ZNF407: variants seen among roughly 807,000 people sequenced by gnomAD.
The protein encoded by ZNF407 is zinc finger protein 407.
In ZNF407, 17 loss-of-function variants were observed where a neutral mutation model predicts 131.2. The observed-to-expected ratio is 0.13, with a 90% CI of 0.09 to 0.19. The LOEUF (loss-of-function observed/expected upper bound fraction) is 0.19, where lower values mean the gene tolerates loss of function less well. Among genes scored for constraint, ZNF407 ranks in the 10% least tolerant of loss-of-function variants. The pLI, the probability that ZNF407 is intolerant of heterozygous loss-of-function variation, is 1.00. For synonymous variants in ZNF407, 1,156 were observed against 1,062.0 expected (o/e 1.09, Z -1.72); for missense variants, 2,681 against 2,830.6 (o/e 0.95, Z 1.20).
chr18:74,751,711 TTA>T (rs1483408580), intron 3 of ZNF407, among the ~76,000 whole-genome samples: 2 of 152,218 alleles, frequency 1.3e-5, no homozygotes, highest in Non-Finnish European at 2.9e-5. Context: ...CTCATCCTTT[TTA>T]TGGCCGCGTA....
intron 3 of ZNF407, among the ~76,000 whole-genome samples, chr18:74,736,718 G>A (rs570695875): frequency 4.6e-5 from 7 of 152,158 alleles, no homozygotes; most frequent in Non-Finnish European, 7.4e-5. Flanking sequence ...AAAGTTGTGG[G>A]GGTTATGTAG....
At chr18:75,014,954 A>G (rs533541938) in intron 8 of ZNF407, among the ~76,000 whole-genome samples, 1 of 152,246 alleles carries the variant, frequency 6.6e-6, no homozygotes, top group Admixed American at 6.5e-5. Flanking sequence ...AAGAACTGAA[A>G]CAAATATTCT....
intron 8 of ZNF407, among the ~76,000 whole-genome samples, chr18:74,977,743 G>A (rs4334389): frequency 0.23 from 34,317 of 152,014 alleles, 5,077 homozygotes; most frequent in African/African-American, 0.41. Context: ...GTCAGAATAC[G>A]TTCTTCTTCT....
At chr18:75,027,617 G>T (rs558391926) in intron 8 of ZNF407, among the ~76,000 whole-genome samples, 54 of 152,312 alleles carry the variant, frequency 3.5e-4, no homozygotes, top group Non-Finnish European at 5.0e-4. Flanking sequence ...TGAGCTATGT[G>T]CAAGTGTTGT....
intron 8 of ZNF407, among the ~76,000 whole-genome samples, chr18:75,015,009 G>GA (rs1293615815): frequency 6.6e-6 from 1 of 152,060 alleles, no homozygotes; most frequent in Non-Finnish European, 1.5e-5. Flanking sequence ...TGTTTCAATT[G>GA]AAACAGTAGA....
At chr18:74,907,694 G>A (rs1360331154) in intron 7 of ZNF407, among the ~76,000 whole-genome samples, 1 of 152,128 alleles carries the variant, frequency 6.6e-6, no homozygotes, top group Non-Finnish European at 1.5e-5. Flanking sequence ...TCTCTTCATG[G>A]ACATTTAGTT....
intron 1 of ZNF407, among the ~76,000 whole-genome samples, chr18:74,617,576 C>A (rs1355363032): frequency 1.3e-5 from 2 of 152,120 alleles, no homozygotes; most frequent in East Asian, 3.9e-4. Context: ...ACAATACATT[C>A]CTCTTTTTGT....
intron 4 of ZNF407, among the ~76,000 whole-genome samples, chr18:74,832,920 A>G (rs1164066933): frequency 1.3e-5 from 2 of 152,242 alleles, no homozygotes; most frequent in Non-Finnish European, 1.5e-5. Context: ...TCAATGGAAA[A>G]GGAATTACTT....
chr18:75,037,571 A>G (rs1012728318), intron 8 of ZNF407, among the ~76,000 whole-genome samples: 3 of 152,100 alleles, frequency 2.0e-5, no homozygotes, highest in African/African-American at 4.8e-5. Flanking sequence ...ACTGAAGTTC[A>G]TTTCAGAGTT....
At chr18:74,743,405 G>A (rs947443172) in intron 3 of ZNF407, among the ~76,000 whole-genome samples, 3 of 151,940 alleles carry the variant, frequency 2.0e-5, no homozygotes, top group Non-Finnish European at 4.4e-5. Flanking sequence ...AAGATGTCTC[G>A]ATTCTTGCTT....
chr18:75,030,486 A>G (rs979229967), intron 8 of ZNF407, among the ~76,000 whole-genome samples: 1 of 152,238 alleles, frequency 6.6e-6, no homozygotes, highest in Non-Finnish European at 1.5e-5. Context: ...GAATTATTAT[A>G]CATGCCACAT....
intron 3 of ZNF407, among the ~76,000 whole-genome samples, chr18:74,724,167 G>A (rs1048479429): frequency 6.6e-6 from 1 of 151,956 alleles, no homozygotes; most frequent in Admixed American, 6.6e-5. Context: ...TGAATGTATT[G>A]TACATAAAAT....
At chr18:74,883,483 T>C (rs1293162701) in intron 6 of ZNF407, among the ~76,000 whole-genome samples, 1 of 152,170 alleles carries the variant, frequency 6.6e-6, no homozygotes, top group African/African-American at 2.4e-5. Flanking sequence ...TCAAAAGTGC[T>C]CCAAATGGTG....
chr18:74,831,866 G>A (rs181636822), intron 4 of ZNF407, among the ~76,000 whole-genome samples: 7 of 152,200 alleles, frequency 4.6e-5, no homozygotes, highest in Admixed American at 3.9e-4. Context: ...TGCTCCTGAC[G>A]CCCTTTACCT....
rs377706707 is a variant in ZNF407, at chr18:74,846,942, C to A, written c.4878-30255C>A. Among the ~76,000 whole-genome samples the A allele has an allele frequency of 7.1e-3, 1,084 of 151,632 alleles. 9 individuals are homozygous for A. Among genetic ancestry groups the A allele is most frequent in the African/African-American group, 0.024 (996 of 41,386 alleles). ...CCAGGAGGCGGAGGTTGCAGTGAGC[C>A]AAGATTCTGCCACTGCACTCCGGCC... On this transcript the variant is annotated intron_variant, in intron 4 of 8. Coordinates refer to ENST00000299687, the MANE Select transcript of ZNF407 (RefSeq NM_017757.3).
chr18:74,638,573 G>A (rs944317664), intron 2 of ZNF407, among the ~76,000 whole-genome samples: 7 of 152,146 alleles, frequency 4.6e-5, no homozygotes, highest in Admixed American at 2.0e-4. Flanking sequence ...AGGAGCCCTC[G>A]TAGGCCTGAG....
At chr18:74,640,001 T>C (rs12969488) in intron 2 of ZNF407, among the ~76,000 whole-genome samples, 18,108 of 152,086 alleles carry the variant, frequency 0.12, 1,353 homozygotes, top group Non-Finnish European at 0.17. Context: ...TCTATCTAAC[T>C]ATAGTAGAGG....
At chr18:74,910,826 A>G (rs1971659860) in intron 7 of ZNF407, among the ~76,000 whole-genome samples, 1 of 152,060 alleles carries the variant, frequency 6.6e-6, no homozygotes, top group South Asian at 2.1e-4. Context: ...CCCACTTTTA[A>G]ATTAAACTTA....
At chr18:74,764,888 G>T (rs2144983455) in intron 3 of ZNF407, among the ~76,000 whole-genome samples, 1 of 152,242 alleles carries the variant, frequency 6.6e-6, no homozygotes, top group East Asian at 1.9e-4. Context: ...TAAGAAATAG[G>T]TGTATTATTT....
Sources: allele counts gnomAD v4.1 joint callset (sites outside exome capture counted in the v4.1 genomes callset), GRCh38; gene constraint gnomAD v4.1.1; transcripts MANE v1.5; gene names NCBI Gene and HGNC (gene_info 2026-07-23, HGNC 2026-07-21).